AGBL4: variants seen among roughly 807,000 people sequenced by gnomAD.
AGBL4 encodes the protein AGBL carboxypeptidase 4.
Under a neutral mutation model 66.4 loss-of-function variants are expected in AGBL4, and 58 were observed. That is an observed-to-expected ratio of 0.87 (90% CI 0.71 to 1.09). The LOEUF (loss-of-function observed/expected upper bound fraction) is 1.09. Among genes scored for constraint, AGBL4 ranks in the 50% least tolerant of loss-of-function variants. The pLI, the probability that AGBL4 is intolerant of heterozygous loss-of-function variation, is 0.00. For synonymous variants in AGBL4, 234 were observed against 222.9 expected (o/e 1.05, Z -0.44); for missense variants, 579 against 631.0 (o/e 0.92, Z 0.88).
chr1:48,866,090 A>G (rs139798542), intron 6 of AGBL4, among the ~76,000 whole-genome samples: 6 of 152,284 alleles, frequency 3.9e-5, no homozygotes, highest in Middle Eastern at 3.4e-3. Context: ...GGTCACCCAA[A>G]CTAGTGGCTG....
At position 49,072,173 on chromosome 1, in the gene AGBL4, C is replaced by A. The variant is rs539057533; in HGVS notation, c.378-26373G>T. Among the ~76,000 whole-genome samples the A allele has an allele frequency of 2.0e-5, 3 of 152,260 alleles. No individual in the cohort carries two copies. The South Asian group carries it at 6.2e-4, about 32-fold the overall frequency. On this transcript the variant is annotated intron_variant, in intron 4 of 13. Transcript: ENST00000371839. ...AGATGGGTCTCCTGAATACAGCATA[C>A]CAATGGGTCTTGACTCTGTATCCAA...
At chr1:49,677,258 T>C (rs1646598873) in intron 3 of AGBL4, among the ~76,000 whole-genome samples, 1 of 152,088 alleles carries the variant, frequency 6.6e-6, no homozygotes, top group South Asian at 2.1e-4. Flanking sequence ...CAATGTCTAG[T>C]CCAATCTCTA....
chr1:49,705,360 A>G (rs1391962960), intron 2 of AGBL4, among the ~76,000 whole-genome samples: 1 of 152,148 alleles, frequency 6.6e-6, no homozygotes. Context: ...CAGCCATGTC[A>G]TCTGCAAACA....
At chr1:48,865,858 G>A (rs939104784) in intron 6 of AGBL4, among the ~76,000 whole-genome samples, 4 of 152,134 alleles carry the variant, frequency 2.6e-5, no homozygotes, top group Non-Finnish European at 4.4e-5. Context: ...ATCGGACATA[G>A]ATAATCCCTC....
At chr1:49,287,663 G>T (rs1644445969) in intron 3 of AGBL4, among the ~76,000 whole-genome samples, 1 of 152,102 alleles carries the variant, frequency 6.6e-6, no homozygotes, top group African/African-American at 2.4e-5. Context: ...ACCACAATGA[G>T]ATACCATCTC....
intron 1 of AGBL4, among the ~76,000 whole-genome samples, chr1:49,912,756 T>C (rs1400149085): frequency 2.0e-5 from 3 of 152,176 alleles, no homozygotes; most frequent in Non-Finnish European, 2.9e-5. Flanking sequence ...AAACACCTTA[T>C]TTGGCTCAAC....
intron 5 of AGBL4, among the ~76,000 whole-genome samples, chr1:48,872,833 G>A (rs373837112): frequency 1.5e-4 from 23 of 152,032 alleles, no homozygotes; most frequent in African/African-American, 5.1e-4. Flanking sequence ...AAGAGCGTAC[G>A]CCAACCCCCA....
chr1:49,540,426 G>C (rs1374698959), intron 3 of AGBL4, among the ~76,000 whole-genome samples: 1 of 152,102 alleles, frequency 6.6e-6, no homozygotes, highest in Non-Finnish European at 1.5e-5. Context: ...ACAGTACTTG[G>C]CATTTTTGCT....
intron 5 of AGBL4, among the ~76,000 whole-genome samples, chr1:48,965,625 C>T (rs1658358355): frequency 6.6e-6 from 1 of 152,068 alleles, no homozygotes; most frequent in South Asian, 2.1e-4. Flanking sequence ...CCACACAGTT[C>T]CTGACAATTT....
At chr1:50,006,159 G>A (rs529974296) in intron 1 of AGBL4, among the ~76,000 whole-genome samples, 4 of 152,244 alleles carry the variant, frequency 2.6e-5, no homozygotes, top group African/African-American at 9.6e-5. Context: ...CTAACACGGT[G>A]AAACCCCATC....
intron 6 of AGBL4, chr1:48,776,556 G>C: frequency 1.5e-6 from 2 of 1,314,004 alleles, no homozygotes; most frequent in Non-Finnish European, 2.0e-6. Flanking sequence ...CCCTCCCGGG[G>C]TCCCAGCCCC....
At chr1:48,695,833 C>T (rs918658957) in intron 6 of AGBL4, among the ~76,000 whole-genome samples, 7 of 152,170 alleles carry the variant, frequency 4.6e-5, no homozygotes, top group Non-Finnish European at 8.8e-5. Context: ...TTTCTAAGCA[C>T]AGCCAGGTTT....
intron 3 of AGBL4, chr1:49,374,297 T>C (rs1175197925): frequency 7.9e-5 from 12 of 152,018 alleles, no homozygotes; most frequent in Admixed American, 7.9e-4. Flanking sequence ...GTCCTACTTT[T>C]TCAGATTCTA....
At chr1:48,557,395 T>A (rs1182816276) in intron 11 of AGBL4, among the ~76,000 whole-genome samples, 1 of 152,080 alleles carries the variant, frequency 6.6e-6, no homozygotes, top group Non-Finnish European at 1.5e-5. Flanking sequence ...GGGGTGGGTA[T>A]GGAGGCAAAT....
intron 3 of AGBL4, among the ~76,000 whole-genome samples, chr1:49,574,763 G>T (rs1198787928): frequency 6.6e-6 from 1 of 152,078 alleles, no homozygotes; most frequent in African/African-American, 2.4e-5. Flanking sequence ...ATGGACAGCA[G>T]AGGCAAAGTG....
chr1:49,743,067 A>C (rs1650666674), intron 2 of AGBL4, among the ~76,000 whole-genome samples: 2 of 152,230 alleles, frequency 1.3e-5, no homozygotes, highest in South Asian at 2.1e-4. Context: ...TAATTAAACT[A>C]AAGAGCTTCT....
At position 48,914,007 on chromosome 1, in the gene AGBL4, G is replaced by A. The variant is rs545910015; in HGVS notation, c.595-46777C>T. ...ATATCACAGTGGAGATATCAAGTGG[G>A]AAGTTGGAGGAAAGATTGGGAGTTC... is the stretch of plus-strand genomic sequence containing the variant. On this transcript the variant is annotated intron_variant, in intron 5 of 13. Coordinates refer to ENST00000371839, the MANE Select transcript of AGBL4 (RefSeq NM_032785.4). 1.9e-3 allele frequency among the ~76,000 whole-genome samples: 283 copies of A among 152,268 alleles called. 1 individual carries two copies. Among genetic ancestry groups the A allele is most frequent in the African/African-American group, 6.0e-3 (249 of 41,560 alleles).
chr1:49,846,516 C>A (rs1474259287), intron 2 of AGBL4: 3 of 712,028 alleles, frequency 4.2e-6, no homozygotes, highest in East Asian at 5.9e-5. Context: ...AGGGTGGAAA[C>A]AGACTAATAC....
At chr1:48,688,032 G>C (rs1382945560) in intron 6 of AGBL4, among the ~76,000 whole-genome samples, 2 of 152,172 alleles carry the variant, frequency 1.3e-5, no homozygotes, top group Non-Finnish European at 2.9e-5. Flanking sequence ...TTAGAAAGAT[G>C]TAACTGTCAT....
Sources: gnomAD v4.1 joint callset for allele counts (sites outside exome capture counted in the v4.1 genomes callset) on GRCh38, gnomAD v4.1.1 for gene constraint, MANE v1.5 for transcripts, NCBI Gene and HGNC (gene_info 2026-07-23, HGNC 2026-07-21) for gene names.